The following ZNF438 variants were observed in gnomAD, a reference collection of about 807,000 sequenced individuals.
The protein encoded by ZNF438 is zinc finger protein 438.
ZNF438 carries 25 observed loss-of-function variants against 38.0 expected under a neutral mutation model. That is an observed-to-expected ratio of 0.66 (90% CI 0.48 to 0.92). ZNF438 has a LOEUF of 0.92. Ranked by LOEUF, ZNF438 falls within the 40% of genes least tolerant of loss-of-function variation. The pLI is 0.00. For synonymous variants in ZNF438, 372 were observed against 364.1 expected (o/e 1.02, Z -0.25); for missense variants, 1,007 against 999.6 (o/e 1.01, Z -0.10).
chr10:30,997,365 T>C (rs1260671109), intron 1 of ZNF438, among the ~76,000 whole-genome samples: 4 of 151,918 alleles, frequency 2.6e-5, no homozygotes, highest in African/African-American at 9.7e-5. Context: ...GGGAAAAAAA[T>C]GAAGGCAGCA....
intron 1 of ZNF438, among the ~76,000 whole-genome samples, chr10:30,976,421 C>G (rs1192036252): frequency 2.0e-5 from 3 of 152,128 alleles, no homozygotes; most frequent in Non-Finnish European, 2.9e-5. Flanking sequence ...ATATCAATGT[C>G]AGCTAAAACA....
At position 30,908,152 on chromosome 10, in the gene ZNF438, T is replaced by C. The variant is rs542253202; in HGVS notation, c.-32+781A>G. 1.6e-4 allele frequency among the ~76,000 whole-genome samples: 25 copies of C among 152,306 alleles called. No individual in the cohort carries two copies. The East Asian group carries it at 3.9e-3, about 23-fold the overall frequency. ...GTGCATTTCCCAAATTAGGAGTATA[T>C]CATTTAATTTCTACATATTTGTGCA... On this transcript the variant is annotated intron_variant, in intron 3 of 5. Coordinates refer to ENST00000413025, the Ensembl canonical transcript of ZNF438.
intron 1 of ZNF438, among the ~76,000 whole-genome samples, chr10:31,006,323 C>T (rs1201535137): frequency 6.6e-6 from 1 of 151,738 alleles, no homozygotes; most frequent in African/African-American, 2.4e-5. Context: ...TCACCAACAG[C>T]CAATGATTCA....
intron 1 of ZNF438, among the ~76,000 whole-genome samples, chr10:30,969,769 T>C (rs762668831): frequency 2.0e-5 from 3 of 152,174 alleles, no homozygotes; most frequent in Non-Finnish European, 4.4e-5. Flanking sequence ...TCCCATTGAA[T>C]GTTATTTGTG....
At chr10:31,000,465 C>A (rs1026311033) in intron 1 of ZNF438, among the ~76,000 whole-genome samples, 1 of 152,146 alleles carries the variant, frequency 6.6e-6, no homozygotes, top group African/African-American at 2.4e-5. Context: ...CTTTTTCTCT[C>A]TACCCCCACA....
intron 1 of ZNF438, among the ~76,000 whole-genome samples, chr10:31,028,028 A>G (rs190605605): frequency 4.2e-4 from 64 of 152,172 alleles, no homozygotes; most frequent in Non-Finnish European, 7.9e-4. Context: ...AACAAGACAC[A>G]TCTTTTTTTG....
At chr10:30,898,203 A>ATACTTTTT (rs1246690090) in intron 3 of ZNF438, among the ~76,000 whole-genome samples, 2 of 152,208 alleles carry the variant, frequency 1.3e-5, no homozygotes, top group African/African-American at 2.4e-5. Flanking sequence ...CTTTCTATGT[A>ATACTTTTT]TACTTTTTTG....
intron 1 of ZNF438, among the ~76,000 whole-genome samples, chr10:30,954,614 A>G (rs1348152388): frequency 2.0e-5 from 3 of 152,222 alleles, no homozygotes; most frequent in Middle Eastern, 6.3e-3. Context: ...TTAAATAGAC[A>G]GAAAAGCTCA....
At chr10:30,952,329 A>G (rs2048315724) in intron 1 of ZNF438, among the ~76,000 whole-genome samples, 1 of 151,060 alleles carries the variant, frequency 6.6e-6, no homozygotes, top group Non-Finnish European at 1.5e-5. Flanking sequence ...ACCATTCAGG[A>G]CATAGGCATG....
At chr10:30,944,220 T>C (rs1289933761) in intron 1 of ZNF438, among the ~76,000 whole-genome samples, 1 of 152,156 alleles carries the variant, frequency 6.6e-6, no homozygotes, top group Non-Finnish European at 1.5e-5. Context: ...AACTTGCTTG[T>C]CCAAATGCAA....
chr10:31,001,938 T>A (rs141065576), intron 1 of ZNF438, among the ~76,000 whole-genome samples: 2 of 152,178 alleles, frequency 1.3e-5, no homozygotes, highest in East Asian at 3.8e-4. Context: ...AGAGTGCTCA[T>A]TGGCAGGGCT....
intron 1 of ZNF438, among the ~76,000 whole-genome samples, chr10:30,957,495 T>C (rs1251775935): frequency 6.6e-6 from 1 of 152,232 alleles, no homozygotes; most frequent in African/African-American, 2.4e-5. Context: ...CTCCTGTGTA[T>C]TCTAATAGTT....
intron 3 of ZNF438, among the ~76,000 whole-genome samples, chr10:30,882,774 G>A (rs2039436979): frequency 6.6e-6 from 1 of 152,090 alleles, no homozygotes; most frequent in Non-Finnish European, 1.5e-5. Context: ...TCATTATCTT[G>A]ATTATGATTA....
chr10:30,855,068 A>G (rs753348895), intron 4 of ZNF438, among the ~76,000 whole-genome samples: 1 of 152,248 alleles, frequency 6.6e-6, no homozygotes, highest in Non-Finnish European at 1.5e-5. Flanking sequence ...AAAGGGAGTG[A>G]GCTAATTATG....
At chr10:30,943,227 G>A (rs2047006712) in intron 1 of ZNF438, among the ~76,000 whole-genome samples, 1 of 152,108 alleles carries the variant, frequency 6.6e-6, no homozygotes, top group Admixed American at 6.6e-5. Flanking sequence ...AGTTAGTCAT[G>A]TTAAAGAGAA....
exon 5 of ZNF438, chr10:30,849,693 C>G (rs764577665): frequency 1.2e-6 from 2 of 1,614,062 alleles, no homozygotes; most frequent in African/African-American, 2.7e-5. Context: ...TGTGCTTTCC[C>G]TGAAAGAGCT....
At chr10:30,916,689 A>G (rs989536596) in intron 2 of ZNF438, among the ~76,000 whole-genome samples, 1 of 152,014 alleles carries the variant, frequency 6.6e-6, no homozygotes, top group East Asian at 1.9e-4. Context: ...ATCCATGATG[A>G]TATGTTTGAA....
At chr10:30,949,577 C>T (rs1324674137) in intron 1 of ZNF438, among the ~76,000 whole-genome samples, 1 of 151,594 alleles carries the variant, frequency 6.6e-6, no homozygotes, top group South Asian at 2.1e-4. Flanking sequence ...AAATGGAAAA[C>T]AAAAAAAGGC....
At chr10:31,013,643 C>CA (rs1182507423) in intron 1 of ZNF438, among the ~76,000 whole-genome samples, 1 of 152,168 alleles carries the variant, frequency 6.6e-6, no homozygotes, top group Non-Finnish European at 1.5e-5. Flanking sequence ...AGGAAAGAAA[C>CA]TTCCCGCTCA....
Sources: allele counts gnomAD v4.1 joint callset (sites outside exome capture counted in the v4.1 genomes callset), GRCh38; gene constraint gnomAD v4.1.1; transcripts MANE v1.5; gene names NCBI Gene and HGNC (gene_info 2026-07-23, HGNC 2026-07-21).